The following LYPLAL1 variants were observed in gnomAD, a reference collection of about 807,000 sequenced individuals.
LYPLAL1 encodes lysophospholipase like 1.
A neutral mutation model predicts 19.7 loss-of-function variants in LYPLAL1; 23 were observed. The observed-to-expected ratio is 1.17, with a 90% CI of 0.84 to 1.65. The LOEUF is 1.65. Among genes scored for constraint, LYPLAL1 ranks in the 40% most tolerant of loss-of-function variants. The probability of loss-of-function intolerance (pLI) is 0.00; values close to 1 mark genes in which losing one functional copy is unlikely to be tolerated. For synonymous variants in LYPLAL1, 119 were observed against 96.3 expected, an observed-to-expected ratio of 1.24 and a Z score of -1.38; for missense variants, 355 against 279.4, an observed-to-expected ratio of 1.27 and a Z score of -1.93.
the LYPLAL1 span, among the ~76,000 whole-genome samples, chr1:219,424,028 ATAT>A: frequency 1.3e-5 from 2 of 148,906 alleles, no homozygotes; most frequent in African/African-American, 2.4e-5. Flanking sequence ...TATATGATAT[ATAT>A]TATAATATAC....
chr1:219,443,019 C>T, the LYPLAL1 span, among the ~76,000 whole-genome samples: 2,561 of 151,752 alleles, frequency 0.017, 79 homozygotes, highest in African/African-American at 0.058. Flanking sequence ...AAAAGCCTAT[C>T]TAATGGGCCT....
chr1:219,322,860 G>T, the LYPLAL1 span, among the ~76,000 whole-genome samples: 1 of 152,146 alleles, frequency 6.6e-6, no homozygotes, highest in Non-Finnish European at 1.5e-5. Flanking sequence ...AAAATCTTAA[G>T]TTAGTTTCAG....
chr1:219,373,076 AC>A, the LYPLAL1 span, among the ~76,000 whole-genome samples: 1 of 152,210 alleles, frequency 6.6e-6, no homozygotes, highest in Non-Finnish European at 1.5e-5. Context: ...CTATTGTTTA[AC>A]CATCAGGCAT....
the LYPLAL1 span, among the ~76,000 whole-genome samples, chr1:219,336,314 C>T: frequency 1.3e-5 from 2 of 151,752 alleles, no homozygotes; most frequent in Admixed American, 6.6e-5. Context: ...TCTACTGTTA[C>T]TACTTACTTG....
the LYPLAL1 span, among the ~76,000 whole-genome samples, chr1:219,275,269 G>A: frequency 6.6e-6 from 1 of 152,114 alleles, no homozygotes; most frequent in Non-Finnish European, 1.5e-5. Context: ...CAACTACATG[G>A]GCTCTGATTT....
chr1:219,323,200 A>T, the LYPLAL1 span, among the ~76,000 whole-genome samples: 1 of 152,246 alleles, frequency 6.6e-6, no homozygotes. Flanking sequence ...CAAAAGCTGC[A>T]GGTGCAACCA....
At chr1:219,426,844 C>A in the LYPLAL1 span, among the ~76,000 whole-genome samples, 1 of 152,132 alleles carries the variant, frequency 6.6e-6, no homozygotes, top group South Asian at 2.1e-4. Context: ...GGTGATCTGC[C>A]CTCCTTGGCC....
At chr1:219,322,759 CAGTCCTCTGT>C in the LYPLAL1 span, among the ~76,000 whole-genome samples, 2 of 152,180 alleles carry the variant, frequency 1.3e-5, no homozygotes, top group Non-Finnish European at 2.9e-5. Flanking sequence ...CCCAGTTTTT[CAGTCCTCTGT>C]TGTTCCTGTT....
chr1:219,291,895 AAAAG>A, the LYPLAL1 span, among the ~76,000 whole-genome samples: 116 of 152,266 alleles, frequency 7.6e-4, no homozygotes, highest in African/African-American at 1.3e-3. Flanking sequence ...CAAAAAAAAA[AAAAG>A]AAAGAAAGAA....
At chr1:219,254,535 G>A in the LYPLAL1 span, among the ~76,000 whole-genome samples, 4 of 152,032 alleles carry the variant, frequency 2.6e-5, no homozygotes, top group Non-Finnish European at 5.9e-5. Context: ...TTTCACTGAG[G>A]AAGCTTAGTT....
At chr1:219,323,182 G>A in the LYPLAL1 span, among the ~76,000 whole-genome samples, 1 of 152,196 alleles carries the variant, frequency 6.6e-6, no homozygotes, top group Non-Finnish European at 1.5e-5. Flanking sequence ...GTCACCATAT[G>A]CACATTTCAA....
chr1:219,402,823 T>C, the LYPLAL1 span, among the ~76,000 whole-genome samples: 1 of 151,932 alleles, frequency 6.6e-6, no homozygotes, highest in African/African-American at 2.4e-5. Context: ...AAGGAAGAAG[T>C]AAAAAGGTAG....
chr1:219,345,316 G>A, the LYPLAL1 span, among the ~76,000 whole-genome samples: 2 of 152,142 alleles, frequency 1.3e-5, no homozygotes, highest in African/African-American at 2.4e-5. Context: ...TGTCCTAAAA[G>A]ATTAATGGAA....
At chr1:219,292,249 A>G in the LYPLAL1 span, among the ~76,000 whole-genome samples, 4 of 152,172 alleles carry the variant, frequency 2.6e-5, no homozygotes, top group African/African-American at 7.2e-5. Context: ...TGAGATCTCA[A>G]TGGGACTCGA....
At chr1:219,175,937 G>A (rs963788712) in intron 1 of LYPLAL1, among the ~76,000 whole-genome samples, 3 of 152,102 alleles carry the variant, frequency 2.0e-5, no homozygotes, top group Non-Finnish European at 2.9e-5. Context: ...CTTTTACTAT[G>A]GAATAAAGTA....
At chr1:219,423,169 T>C in the LYPLAL1 span, among the ~76,000 whole-genome samples, 1 of 152,202 alleles carries the variant, frequency 6.6e-6, no homozygotes, top group Admixed American at 6.5e-5. Flanking sequence ...CAGCCACATG[T>C]ACAACACATC....
the LYPLAL1 span, among the ~76,000 whole-genome samples, chr1:219,415,211 C>T: frequency 6.6e-6 from 1 of 152,066 alleles, no homozygotes; most frequent in Non-Finnish European, 1.5e-5. Context: ...AAGAGAAAAA[C>T]AATAATAGAA....
the LYPLAL1 span, among the ~76,000 whole-genome samples, chr1:219,335,833 C>G: frequency 6.6e-6 from 1 of 151,676 alleles, no homozygotes; most frequent in East Asian, 1.9e-4. Context: ...GAGACAGATA[C>G]AAACCCAATT....
At chr1:219,284,347 G>C in the LYPLAL1 span, among the ~76,000 whole-genome samples, 67 of 152,310 alleles carry the variant, frequency 4.4e-4, no homozygotes, top group African/African-American at 1.6e-3. Context: ...TCCCAGAGGA[G>C]CACTCTGCCT....
Sources: gnomAD v4.1 joint callset for allele counts (sites outside exome capture counted in the v4.1 genomes callset) on GRCh38, gnomAD v4.1.1 for gene constraint, MANE v1.5 for transcripts, NCBI Gene and HGNC (gene_info 2026-07-23, HGNC 2026-07-21) for gene names.